Variants in IGF2BP2 observed in about 807,000 individuals in gnomAD.
IGF2BP2 encodes the protein insulin-like growth factor 2 mRNA-binding protein 2.
Under a neutral mutation model 75.8 loss-of-function variants are expected in IGF2BP2, and 17 were observed. The ratio of observed to expected loss-of-function variants is 0.22; its 90% CI spans 0.15 to 0.34. The LOEUF (loss-of-function observed/expected upper bound fraction) is 0.34, where lower values mean the gene tolerates loss of function less well. Among genes scored for constraint, IGF2BP2 ranks in the 10% least tolerant of loss-of-function variants. The pLI, the probability that IGF2BP2 is intolerant of heterozygous loss-of-function variation, is 1.00. For missense variants in IGF2BP2, 516 were observed against 772.4 expected, an observed-to-expected ratio of 0.67 and a Z score of 3.93; for synonymous variants, 288 against 295.6, an observed-to-expected ratio of 0.97 and a Z score of 0.26.
intron 2 of IGF2BP2, among the ~76,000 whole-genome samples, chr3:185,772,074 T>C (rs1733950991): frequency 6.6e-6 from 1 of 152,164 alleles, no homozygotes; most frequent in African/African-American, 2.4e-5. Context: ...ACCAAAAGGC[T>C]CTAGATAATA....
chr3:185,703,273 T>TTA lies in IGF2BP2; in HGVS notation c.240-4927_240-4926insTA, dbSNP rs897181996. Among the ~76,000 whole-genome samples, 48 of 152,248 alleles carry TTA rather than the reference T, an allele frequency of 3.2e-4. 2 individuals carry two copies. Among genetic ancestry groups the TTA allele is most frequent in the Non-Finnish European group, 5.9e-5 (4 of 68,050 alleles). On this transcript the variant is annotated intron_variant, in intron 2 of 15. Transcript: ENST00000382199. Reference sequence around the variant, plus strand: ...ATGCCTCAGCATACATTTTATAATCTGTTATATTTATAATACGTTATCTTT... The same window carrying TTA: ...ATGCCTCAGCATACATTTTATAATCTTAGTTATATTTATAATACGTTATCTTT...
At chr3:185,732,243 T>C (rs1165155725) in intron 2 of IGF2BP2, among the ~76,000 whole-genome samples, 2 of 152,226 alleles carry the variant, frequency 1.3e-5, no homozygotes, top group Non-Finnish European at 2.9e-5. Flanking sequence ...TAGAATTTTT[T>C]CTTAATCCTG....
chr3:185,807,454 C>G (rs1226631411), intron 2 of IGF2BP2, among the ~76,000 whole-genome samples: 1 of 152,166 alleles, frequency 6.6e-6, no homozygotes, highest in African/African-American at 2.4e-5. Flanking sequence ...ATTATTACTA[C>G]TGTTATAAGA....
chr3:185,706,171 C>G (rs1435925403), intron 2 of IGF2BP2, among the ~76,000 whole-genome samples: 2 of 152,164 alleles, frequency 1.3e-5, no homozygotes, highest in South Asian at 4.1e-4. Context: ...GAGTTTGGCA[C>G]CATCCTGGGC....
At chr3:185,660,121 C>T (rs1716184248) in intron 10 of IGF2BP2, among the ~76,000 whole-genome samples, 1 of 152,218 alleles carries the variant, frequency 6.6e-6, no homozygotes, top group South Asian at 2.1e-4. Flanking sequence ...AGGCAGAACG[C>T]TGACCTGAGT....
intron 2 of IGF2BP2, among the ~76,000 whole-genome samples, chr3:185,772,313 T>A (rs2149757269): frequency 1.3e-5 from 2 of 152,354 alleles, no homozygotes; most frequent in Middle Eastern, 6.8e-3. Context: ...TTCAGTGGGC[T>A]GTTCTATTTG....
intron 2 of IGF2BP2, among the ~76,000 whole-genome samples, chr3:185,734,912 C>T (rs1728656717): frequency 6.6e-6 from 1 of 152,172 alleles, no homozygotes; most frequent in South Asian, 2.1e-4. Context: ...GTGCCTCAAT[C>T]TCCCCTCTGC....
intron 2 of IGF2BP2, among the ~76,000 whole-genome samples, chr3:185,764,275 C>T (rs1732765794): frequency 6.6e-6 from 1 of 152,062 alleles, no homozygotes; most frequent in Admixed American, 6.5e-5. Flanking sequence ...TCTTTTCTGT[C>T]TGCAGTCATG....
intron 2 of IGF2BP2, among the ~76,000 whole-genome samples, chr3:185,767,231 A>T (rs1483375604): frequency 6.6e-6 from 1 of 152,212 alleles, no homozygotes. Context: ...CAATTCTGTG[A>T]TCTATCTATA....
intron 2 of IGF2BP2, among the ~76,000 whole-genome samples, chr3:185,768,609 C>A (rs1249117664): frequency 6.6e-6 from 1 of 152,134 alleles, no homozygotes; most frequent in African/African-American, 2.4e-5. Flanking sequence ...CTGTGGAGGA[C>A]TGAAGGAAGC....
At chr3:185,808,216 C>T (rs958376289) in intron 2 of IGF2BP2, among the ~76,000 whole-genome samples, 1 of 151,952 alleles carries the variant, frequency 6.6e-6, no homozygotes, top group African/African-American at 2.4e-5. Context: ...TGGCTCACAC[C>T]TGTAATCCCA....
chr3:185,667,389 T>C (rs1717811359), intron 10 of IGF2BP2, among the ~76,000 whole-genome samples: 1 of 152,118 alleles, frequency 6.6e-6, no homozygotes, highest in Admixed American at 6.6e-5. Context: ...GGTGGGAGGA[T>C]TGCTTGAGCC....
chr3:185,729,017 C>T lies in IGF2BP2; in HGVS notation c.240-30670G>A, dbSNP rs1361741084. Reference sequence around the variant, plus strand: ...GCAGTGGCTCCACACTGCACCAAGTCGTACGCTCACTGTTGTGTACTCTTA... The same window carrying T: ...GCAGTGGCTCCACACTGCACCAAGTTGTACGCTCACTGTTGTGTACTCTTA... On this transcript the variant is annotated intron_variant, in intron 2 of 15. Coordinates refer to ENST00000382199, the MANE Select transcript of IGF2BP2 (RefSeq NM_006548.6). The T allele has an allele frequency of 2.6e-5, 4 of 152,214 alleles. No individual in the cohort carries two copies. The East Asian group carries it at 7.7e-4, about 29-fold the overall frequency. 9.4% of individuals were successfully genotyped at this position (152,214 alleles called of 1,614,324 possible).
At chr3:185,821,683 A>T (rs555378351) in intron 2 of IGF2BP2, among the ~76,000 whole-genome samples, 2 of 152,258 alleles carry the variant, frequency 1.3e-5, no homozygotes, top group East Asian at 3.9e-4. Flanking sequence ...TCACAACCGC[A>T]AACAGCCAAC....
intron 2 of IGF2BP2, among the ~76,000 whole-genome samples, chr3:185,784,987 CTG>C (rs1735671934): frequency 1.3e-5 from 2 of 151,996 alleles, no homozygotes; most frequent in East Asian, 3.9e-4. Context: ...AATGAAATGC[CTG>C]TGTTTTCTTT....
intron 7 of IGF2BP2, among the ~76,000 whole-genome samples, chr3:185,677,669 A>G (rs1343763438): frequency 6.6e-6 from 1 of 152,230 alleles, no homozygotes. Flanking sequence ...AATAATTGTA[A>G]AGATGCTCAA....
intron 2 of IGF2BP2, among the ~76,000 whole-genome samples, chr3:185,808,798 C>T (rs1385439367): frequency 1.3e-5 from 2 of 151,728 alleles, no homozygotes; most frequent in African/African-American, 2.4e-5. Context: ...AAATTCCTGG[C>T]CTCAAGCAAT....
At chr3:185,748,434 C>A (rs1560405146) in intron 2 of IGF2BP2, among the ~76,000 whole-genome samples, 1 of 152,140 alleles carries the variant, frequency 6.6e-6, no homozygotes, top group African/African-American at 2.4e-5. Flanking sequence ...TGTGGGAAGT[C>A]AAACAGCAAC....
chr3:185,769,655 T>C (rs928495338), intron 2 of IGF2BP2, among the ~76,000 whole-genome samples: 1 of 151,608 alleles, frequency 6.6e-6, no homozygotes, highest in Non-Finnish European at 1.5e-5. Flanking sequence ...CTGGGCAACA[T>C]ACCAAGATCC....
Sources: gnomAD v4.1 joint callset for allele counts (sites outside exome capture counted in the v4.1 genomes callset) on GRCh38, gnomAD v4.1.1 for gene constraint, MANE v1.5 for transcripts, NCBI Gene and HGNC (gene_info 2026-07-23, HGNC 2026-07-21) for gene names.